PRELID2: variants seen among roughly 807,000 people sequenced by gnomAD.
PRELID2 encodes the protein PRELI domain containing 2.
Under a neutral mutation model 28.4 loss-of-function variants are expected in PRELID2, and 25 were observed. The ratio of observed to expected loss-of-function variants is 0.88; its 90% CI spans 0.64 to 1.23. PRELID2 has a LOEUF of 1.23. Among genes scored for constraint, PRELID2 ranks in the 50% most tolerant of loss-of-function variants. PRELID2 has a pLI of 0.00. For missense variants in PRELID2, 201 were observed against 214.4 expected (o/e 0.94, Z 0.39); for synonymous variants, 76 against 71.6 (o/e 1.06, Z -0.31).
In PRELID2 at chr5:145,835,224, C is replaced by T. The variant is rs1392353667; in HGVS notation, c.28G>A (p.Val10Met). Residue 10 changes from valine to methionine, a missense_variant, in exon 1 of 7, where the codon GTG becomes ATG. Coordinates refer to ENST00000683046, the MANE Select transcript of PRELID2 (RefSeq NM_205846.3). Reference protein sequence around the residue: MGVSVDVHQVYKYPFEQVVA... With the variant: MGVSVDVHQMYKYPFEQVVA... ...ACCTGCTCGAAGGGGTACTTGTACA[C>T]CTGGTGCACATCCACCGAGACCCCC... 2 of 1,549,134 alleles carry T rather than the reference C, an allele frequency of 1.3e-6. No homozygotes were observed. The highest frequency in any genetic ancestry group is 2.5e-5 in the East Asian group (1 of 40,780).
chr5:145,597,002 C>T lies in PRELID2; in HGVS notation n.71-123687G>A, dbSNP rs561645903. ...GCAAACACGAAATGCAAATTAGGGG[C>T]TCCATATGGTCAAAAAATACTACAT... is the stretch of plus-strand genomic sequence containing the variant. On this transcript the variant is annotated intron_variant and non_coding_transcript_variant, in intron 1 of 2. Coordinates refer to the PRELID2 transcript ENST00000510259. Among the ~76,000 whole-genome samples the T allele has an allele frequency of 4.6e-5, 7 of 152,152 alleles. No homozygotes were observed. The South Asian group carries it at 1.2e-3, about 27-fold the overall frequency.
chr5:145,416,378 C>T, the PRELID2 span, among the ~76,000 whole-genome samples: 2 of 151,998 alleles, frequency 1.3e-5, no homozygotes, highest in South Asian at 2.1e-4. Context: ...ATGTCTAAAA[C>T]ACCAAAAGCA....
At chr5:145,331,529 C>T in the PRELID2 span, among the ~76,000 whole-genome samples, 1 of 152,094 alleles carries the variant, frequency 6.6e-6, no homozygotes, top group African/African-American at 2.4e-5. Context: ...ATGTAACGCC[C>T]TTCTTTGTCT....
chr5:145,614,935 A>G (rs905646015), intron 1 of PRELID2, among the ~76,000 whole-genome samples: 2 of 152,148 alleles, frequency 1.3e-5, no homozygotes, highest in African/African-American at 4.8e-5. Flanking sequence ...TTCCCAATGT[A>G]TAGTTTAAAT....
intron 1 of PRELID2, among the ~76,000 whole-genome samples, chr5:145,740,151 T>C (rs889306616): frequency 8.7e-5 from 13 of 148,880 alleles, no homozygotes; most frequent in African/African-American, 2.9e-4. Flanking sequence ...ATATATATCA[T>C]ACAAACACTC....
chr5:145,516,642 A>G (rs1296759073), intron 1 of PRELID2, among the ~76,000 whole-genome samples: 1 of 152,184 alleles, frequency 6.6e-6, no homozygotes, highest in Non-Finnish European at 1.5e-5. Context: ...AACTACTTTA[A>G]ATTTCATATG....
chr5:145,441,148 T>C, the PRELID2 span: 1 of 152,110 alleles, frequency 6.6e-6, no homozygotes, highest in East Asian at 1.9e-4. Context: ...TGACGCCTAG[T>C]TGTTCTTTGA....
the PRELID2 span, among the ~76,000 whole-genome samples, chr5:145,437,495 C>G: frequency 1.3e-5 from 2 of 152,230 alleles, no homozygotes; most frequent in African/African-American, 4.8e-5. Flanking sequence ...GTATATTAAC[C>G]TTCTCTAAAA....
the PRELID2 span, among the ~76,000 whole-genome samples, chr5:145,334,565 A>G: frequency 6.6e-6 from 1 of 152,198 alleles, no homozygotes; most frequent in Admixed American, 6.5e-5. Flanking sequence ...ATGACTATAT[A>G]CTTGTATCAG....
intron 5 of PRELID2, among the ~76,000 whole-genome samples, chr5:145,770,507 G>GA (rs1561588275): frequency 2.0e-5 from 3 of 152,004 alleles, no homozygotes; most frequent in Admixed American, 2.0e-4. Context: ...CCCTGTCTCT[G>GA]AAAAAAAGGT....
chr5:145,581,550 G>A (rs1753107899), intron 1 of PRELID2, among the ~76,000 whole-genome samples: 1 of 152,046 alleles, frequency 6.6e-6, no homozygotes, highest in Admixed American at 6.6e-5. Context: ...TGCCTGCCAG[G>A]TCATATCCTT....
rs1245487615 is a variant in PRELID2, at chr5:145,817,199, ATAAATAAATAAAT to A, written c.368+682_368+694del. ...GAGCAAGACTGCATTTCAAAAAAAA[ATAAATAAATAAAT>A]AAAAAAAAATATATATATATATATA... On this transcript the variant is annotated intron_variant, in intron 4 of 6. Coordinates refer to ENST00000683046, the MANE Select transcript of PRELID2 (RefSeq NM_205846.3). 4.6e-3 allele frequency among the ~76,000 whole-genome samples: 386 copies of A among 84,224 alleles called. 21 individuals are homozygous for A. The highest frequency in any genetic ancestry group is 8.3e-3 in the Middle Eastern group (1 of 120). The allele number at this position is 84,224 out of a possible 152,430, so 55.3% of individuals were successfully genotyped here. A position where few individuals can be genotyped will look rare whatever the true frequency, so the allele number is the denominator to read the frequency against.
chr5:145,834,535 T>TC (rs1357535104), intron 1 of PRELID2: 1 of 152,220 alleles, frequency 6.6e-6, no homozygotes, highest in African/African-American at 2.4e-5. Flanking sequence ...GCACCTTCAC[T>TC]CCCAGGATGC....
At chr5:145,465,004 T>A in the PRELID2 span, among the ~76,000 whole-genome samples, 1 of 152,172 alleles carries the variant, frequency 6.6e-6, no homozygotes, top group Non-Finnish European at 1.5e-5. Flanking sequence ...GTCCTATTGA[T>A]CAGAACGGGT....
chr5:145,461,728 A>G, the PRELID2 span, among the ~76,000 whole-genome samples: 3 of 152,268 alleles, frequency 2.0e-5, no homozygotes, highest in African/African-American at 7.2e-5. Context: ...ATAACAAGTC[A>G]TTAAAAGATG....
chr5:145,358,690 C>T, the PRELID2 span, among the ~76,000 whole-genome samples: 4 of 152,080 alleles, frequency 2.6e-5, no homozygotes, highest in African/African-American at 9.7e-5. Flanking sequence ...AAGATAAAAT[C>T]CAATGAAAGG....
At chr5:145,384,202 C>T in the PRELID2 span, among the ~76,000 whole-genome samples, 175 of 152,210 alleles carry the variant, frequency 1.1e-3, no homozygotes, top group African/African-American at 4.0e-3. Flanking sequence ...TTTCATACTT[C>T]GCTAAAGAGA....
At chr5:145,517,949 C>T (rs1752530508) in intron 1 of PRELID2, among the ~76,000 whole-genome samples, 1 of 151,940 alleles carries the variant, frequency 6.6e-6, no homozygotes, top group South Asian at 2.1e-4. Context: ...TATGAGAACA[C>T]ATGGACACAG....
chr5:145,736,577 T>A (rs142808222), intron 1 of PRELID2, among the ~76,000 whole-genome samples: 1 of 152,218 alleles, frequency 6.6e-6, no homozygotes, highest in Non-Finnish European at 1.5e-5. Flanking sequence ...CCAGAATACA[T>A]GCTAACTGAA....
Sources: allele counts gnomAD v4.1 joint callset (sites outside exome capture counted in the v4.1 genomes callset), GRCh38; gene constraint gnomAD v4.1.1; transcripts MANE v1.5; gene names NCBI Gene and HGNC (gene_info 2026-07-23, HGNC 2026-07-21).